AVEN: variants seen among roughly 807,000 people sequenced by gnomAD.
AVEN encodes the protein cell death regulator Aven.
Under a neutral mutation model 38.1 loss-of-function variants are expected in AVEN, and 41 were observed. That is an observed-to-expected ratio of 1.08 (90% CI 0.84 to 1.40). The LOEUF (loss-of-function observed/expected upper bound fraction) is 1.40. Ranked by LOEUF, AVEN falls within the 40% of genes most tolerant of loss-of-function variation. AVEN has a pLI of 0.00. For synonymous variants in AVEN, 206 were observed against 171.8 expected (o/e 1.20, Z -1.56); for missense variants, 605 against 438.8 (o/e 1.38, Z -3.38).
At chr15:34,028,780 C>CA (rs1395957765) in intron 1 of AVEN, among the ~76,000 whole-genome samples, 2 of 152,006 alleles carry the variant, frequency 1.3e-5, no homozygotes, top group Non-Finnish European at 2.9e-5. Context: ...ACAACTAGCA[C>CA]ATGGGGGGTG....
chr15:33,944,748 G>A (rs1463820426), intron 2 of AVEN, among the ~76,000 whole-genome samples: 3 of 152,044 alleles, frequency 2.0e-5, no homozygotes, highest in South Asian at 2.1e-4. Flanking sequence ...GGCGGAACTT[G>A]CAGTGAGCCG....
intron 2 of AVEN, among the ~76,000 whole-genome samples, chr15:33,932,352 T>C (rs1040539240): frequency 3.9e-5 from 6 of 152,234 alleles, no homozygotes; most frequent in African/African-American, 1.4e-4. Context: ...TCTAAGTGTG[T>C]ACTCCGTGGA....
chr15:33,997,758 C>T (rs917952010), intron 2 of AVEN, among the ~76,000 whole-genome samples: 18 of 152,110 alleles, frequency 1.2e-4, no homozygotes, highest in African/African-American at 4.1e-4. Context: ...CTCCTTTTCC[C>T]TCTCTCATTT....
intron 2 of AVEN, among the ~76,000 whole-genome samples, chr15:33,955,893 T>C (rs962526923): frequency 6.6e-6 from 1 of 152,222 alleles, no homozygotes; most frequent in African/African-American, 2.4e-5. Flanking sequence ...GAGATGTGTT[T>C]CATGTATTCA....
intron 1 of AVEN, among the ~76,000 whole-genome samples, chr15:34,020,910 A>G (rs1420103057): frequency 6.6e-6 from 1 of 152,234 alleles, no homozygotes. Flanking sequence ...TCTTCCTTTT[A>G]AGCACCTACC....
upstream of AVEN, among the ~76,000 whole-genome samples, chr15:34,040,848 T>G (rs867868503): frequency 2.0e-5 from 3 of 151,506 alleles, no homozygotes; most frequent in African/African-American, 7.3e-5. Flanking sequence ...CCCAGGAGGT[T>G]GAGGCTGTAG....
At chr15:33,926,327 C>G (rs575057158) in intron 2 of AVEN, among the ~76,000 whole-genome samples, 18 of 152,134 alleles carry the variant, frequency 1.2e-4, no homozygotes, top group Non-Finnish European at 2.4e-4. Context: ...CAAAATACAT[C>G]CCTACTAAGC....
At chr15:33,854,906 C>T, downstream of AVEN, 1 of 1,609,534 alleles carries the variant, frequency 6.2e-7, no homozygotes, top group Non-Finnish European at 8.5e-7. Flanking sequence ...CTCACAATGG[C>T]AAACAGGTAT....
At chr15:34,015,505 AT>A (rs1243197276) in intron 1 of AVEN, among the ~76,000 whole-genome samples, 1 of 152,168 alleles carries the variant, frequency 6.6e-6, no homozygotes, top group Non-Finnish European at 1.5e-5. Context: ...AAATAAAAAA[AT>A]TCCACAAAAT....
chr15:33,881,506 G>T (rs2153037987), intron 2 of AVEN, among the ~76,000 whole-genome samples: 1 of 152,206 alleles, frequency 6.6e-6, no homozygotes, highest in Middle Eastern at 3.4e-3. Context: ...GATCTTCCTG[G>T]CTAATTTTAA....
At position 33,866,551 on chromosome 15, in the gene AVEN, C is replaced by T. The variant is rs1597161768; in HGVS notation, c.*62G>A. 3 of 1,292,444 alleles carry T rather than the reference C, an allele frequency of 2.3e-6. No individual in the cohort carries two copies. The highest frequency in any genetic ancestry group is 3.4e-6 in the Non-Finnish European group (3 of 893,438). 80.1% of individuals were successfully genotyped at this position (1,292,444 alleles called of 1,614,324 possible). On this transcript the variant is annotated 3_prime_UTR_variant, in exon 6 of 6. Coordinates refer to ENST00000306730, the MANE Select transcript of AVEN (RefSeq NM_020371.3). ...AAACTGGCTGGTCCTGAAGGACAGCCTTATGCCCACCTGCCGTTAGAAGGC... is the reference window on the plus strand; with the variant it reads ...AAACTGGCTGGTCCTGAAGGACAGCTTTATGCCCACCTGCCGTTAGAAGGC...
chr15:34,056,869 C>A (rs1900172913), intron 5 of AVEN, among the ~76,000 whole-genome samples: 1 of 152,060 alleles, frequency 6.6e-6, no homozygotes, highest in South Asian at 2.1e-4. Flanking sequence ...TATCTCAAAG[C>A]AAAATGAAAC....
chr15:34,034,593 C>T (rs1240939559), intron 1 of AVEN, among the ~76,000 whole-genome samples: 1 of 151,928 alleles, frequency 6.6e-6, no homozygotes, highest in Non-Finnish European at 1.5e-5. Flanking sequence ...CTTTAAAGTA[C>T]ATTGTACATG....
chr15:34,051,868 G>GA (rs1337859080), intron 5 of AVEN, among the ~76,000 whole-genome samples: 44 of 145,692 alleles, frequency 3.0e-4, no homozygotes, highest in East Asian at 1.0e-3. Flanking sequence ...ACCAAAAAAA[G>GA]AAAAAAAAAA....
At chr15:34,043,637 AG>A (rs1899571485), upstream of AVEN, among the ~76,000 whole-genome samples, 4 of 152,180 alleles carry the variant, frequency 2.6e-5, no homozygotes, top group Admixed American at 1.3e-4. Context: ...AGAGCTTACC[AG>A]GTCATAAGTC....
chr15:34,002,330 C>T (rs1897167750), intron 2 of AVEN, among the ~76,000 whole-genome samples: 1 of 152,040 alleles, frequency 6.6e-6, no homozygotes, highest in Non-Finnish European at 1.5e-5. Context: ...TCCCACCCTC[C>T]CATCCCCAAC....
chr15:33,864,876 T>C, downstream of AVEN: 3 of 443,308 alleles, frequency 6.8e-6, no homozygotes, highest in Non-Finnish European at 1.2e-5. Flanking sequence ...GTGGCAAACA[T>C]TGATTGGTTT....
chr15:33,956,949 TTTTTTTGGG>T (rs1894978574), intron 2 of AVEN, among the ~76,000 whole-genome samples: 1 of 150,414 alleles, frequency 6.6e-6, no homozygotes, highest in African/African-American at 2.5e-5. Context: ...GTTCGGGAGT[TTTTTTTGGG>T]TTTTTTGGTT....
chr15:33,882,031 T>C (rs1280408112), intron 2 of AVEN, among the ~76,000 whole-genome samples: 2 of 152,148 alleles, frequency 1.3e-5, no homozygotes, highest in African/African-American at 4.8e-5. Flanking sequence ...TAGAAAGAAC[T>C]AGGAAGCTCA....
Sources: gnomAD v4.1 joint callset for allele counts (sites outside exome capture counted in the v4.1 genomes callset) on GRCh38, gnomAD v4.1.1 for gene constraint, MANE v1.5 for transcripts, NCBI Gene and HGNC (gene_info 2026-07-23, HGNC 2026-07-21) for gene names.